CFAP20DC: variants seen among roughly 807,000 people sequenced by gnomAD.
CFAP20DC encodes protein CFAP20DC.
Under a neutral mutation model 101.7 loss-of-function variants are expected in CFAP20DC, and 84 were observed. The observed-to-expected ratio is 0.83, with a 90% CI of 0.69 to 0.99. The LOEUF is 0.99. Ranked by LOEUF, CFAP20DC falls within the 50% of genes least tolerant of loss-of-function variation. CFAP20DC has a pLI of 0.00. For synonymous variants in CFAP20DC, 359 were observed against 351.2 expected, an observed-to-expected ratio of 1.02 and a Z score of -0.25; for missense variants, 1,007 against 970.3, an observed-to-expected ratio of 1.04 and a Z score of -0.50.
At chr3:58,876,126 A>G (rs914171622) in intron 7 of CFAP20DC, among the ~76,000 whole-genome samples, 2 of 152,280 alleles carry the variant, frequency 1.3e-5, no homozygotes, top group South Asian at 4.1e-4. Context: ...AGCAAAGTAT[A>G]CCAATATTCC....
At position 58,955,168 on chromosome 3, in the gene CFAP20DC, C is replaced by T. The variant is rs555533610; in HGVS notation, c.279-17406G>A. On this transcript the variant is annotated intron_variant, in intron 4 of 16. Coordinates refer to ENST00000482387, the MANE Select transcript of CFAP20DC (RefSeq NM_001394063.1). ...ATCCCTTAGACCAAGAAGGGCAGAA[C>T]AAAAGGCTCCACTGATCATCCCCTC... Among the ~76,000 whole-genome samples the T allele has an allele frequency of 2.6e-5, 4 of 152,188 alleles. No individual in the cohort carries two copies. The South Asian group carries it at 8.3e-4, about 32-fold the overall frequency.
rs182906470 is a variant in CFAP20DC at position 58,794,380 on chromosome 3, T to C, written c.2237+12015A>G. On this transcript the variant is annotated intron_variant, in intron 15 of 16. Transcript: ENST00000482387. The stretch of plus-strand genomic sequence containing the variant: ...AGAGTCAACAGAACAATAATGATAG[T>C]GTTAATTCAGTCAAATACACTAAAA... 1,453 of 453,826 alleles carry C rather than the reference T, an allele frequency of 3.2e-3. 6 individuals carry two copies. Among genetic ancestry groups the C allele is most frequent in the Non-Finnish European group, 5.1e-3 (1,149 of 224,978 alleles). 28.1% of individuals were successfully genotyped at this position (453,826 alleles called of 1,614,324 possible). A position where few individuals can be genotyped will look rare whatever the true frequency, so the allele number is the denominator to read the frequency against.
intron 15 of CFAP20DC, among the ~76,000 whole-genome samples, chr3:58,805,067 C>A (rs1274788154): frequency 6.6e-6 from 1 of 152,176 alleles, no homozygotes; most frequent in East Asian, 1.9e-4. Flanking sequence ...AAGCCATGTT[C>A]ATTTTTCATG....
chr3:58,872,373 T>A (rs1246956356), intron 7 of CFAP20DC, among the ~76,000 whole-genome samples: 2 of 142,830 alleles, frequency 1.4e-5, no homozygotes, highest in Admixed American at 1.3e-4. Flanking sequence ...CTCCTATGCA[T>A]CAGTCTTAAA....
rs534346753 is a variant in CFAP20DC, at chr3:59,024,013, G to A, written c.278+15544C>T. The stretch of plus-strand genomic sequence containing the variant: ...GAAGTAACAGAGGGGATTCAGAAGT[G>A]TCTAAAAAGCAATGGATTGGATGAT... On this transcript the variant is annotated intron_variant, in intron 4 of 16. Transcript: ENST00000482387. Among the ~76,000 whole-genome samples the A allele has an allele frequency of 9.9e-5, 15 of 152,224 alleles. No homozygotes were observed. In the South Asian group the frequency reaches 3.1e-3, roughly 32 times the overall value.
At chr3:58,927,238 T>C (rs2086086057) in intron 5 of CFAP20DC, among the ~76,000 whole-genome samples, 1 of 152,172 alleles carries the variant, frequency 6.6e-6, no homozygotes. Context: ...GTGGCCCATA[T>C]ATAAATATTC....
intron 3 of CFAP20DC, chr3:58,726,271 A>G (rs1359423712): frequency 1.3e-5 from 2 of 152,208 alleles, no homozygotes; most frequent in African/African-American, 2.4e-5. Flanking sequence ...TTTTGCTCCA[A>G]TGGTGTATCA....
intron 16 of CFAP20DC, among the ~76,000 whole-genome samples, chr3:58,749,568 T>C (rs1440004093): frequency 6.6e-6 from 1 of 152,214 alleles, no homozygotes; most frequent in East Asian, 1.9e-4. Context: ...CATATGGGAA[T>C]ATTTGGTGTG....
At chr3:58,753,075 C>T (rs575647931) in intron 16 of CFAP20DC, among the ~76,000 whole-genome samples, 8 of 152,270 alleles carry the variant, frequency 5.3e-5, no homozygotes, top group East Asian at 1.9e-4. Flanking sequence ...TCCTCTACCA[C>T]GCACACCTGA....
intron 15 of CFAP20DC, among the ~76,000 whole-genome samples, chr3:58,782,478 G>A (rs2071922750): frequency 6.6e-6 from 1 of 151,982 alleles, no homozygotes; most frequent in South Asian, 2.1e-4. Context: ...AATTGGAAAA[G>A]TATAAGTCAA....
intron 4 of CFAP20DC, chr3:59,018,229 A>G (rs953265050): frequency 6.6e-6 from 1 of 152,142 alleles, no homozygotes; most frequent in African/African-American, 2.4e-5. Context: ...TGGTTCTTCC[A>G]TGTGTTACTA....
At chr3:58,983,505 A>C (rs2092652875) in intron 4 of CFAP20DC, among the ~76,000 whole-genome samples, 1 of 152,178 alleles carries the variant, frequency 6.6e-6, no homozygotes, top group Non-Finnish European at 1.5e-5. Flanking sequence ...TTTCTATTTG[A>C]AAGATTTACA....
chr3:58,954,951 T>C (rs1439988780), intron 4 of CFAP20DC, among the ~76,000 whole-genome samples: 1 of 151,298 alleles, frequency 6.6e-6, no homozygotes, highest in African/African-American at 2.4e-5. Flanking sequence ...TTCATTAAGG[T>C]AGCAAAAAAC....
chr3:58,735,392 T>G (rs996794890), intron 3 of CFAP20DC, among the ~76,000 whole-genome samples: 1 of 152,210 alleles, frequency 6.6e-6, no homozygotes, highest in Non-Finnish European at 1.5e-5. Context: ...TTAAGGCAAG[T>G]TGTCAGAACA....
At chr3:58,822,174 T>C (rs552135457) in intron 14 of CFAP20DC, among the ~76,000 whole-genome samples, 74 of 139,836 alleles carry the variant, frequency 5.3e-4, no homozygotes, top group African/African-American at 1.7e-3. Flanking sequence ...AAGGATAGCA[T>C]TGGGAGATAT....
intron 4 of CFAP20DC, among the ~76,000 whole-genome samples, chr3:58,951,694 G>T (rs1306243521): frequency 2.0e-5 from 3 of 152,016 alleles, no homozygotes; most frequent in Non-Finnish European, 4.4e-5. Context: ...ACTCATAGGT[G>T]GGAATTGAAC....
chr3:58,941,770 G>A (rs1424929947), intron 4 of CFAP20DC, among the ~76,000 whole-genome samples: 1 of 151,810 alleles, frequency 6.6e-6, no homozygotes, highest in South Asian at 2.1e-4. Flanking sequence ...GGGTTTCACC[G>A]TGGTCTCGAT....
intron 15 of CFAP20DC, among the ~76,000 whole-genome samples, chr3:58,774,474 T>C (rs1312377214): frequency 6.6e-6 from 1 of 152,190 alleles, no homozygotes; most frequent in Non-Finnish European, 1.5e-5. Flanking sequence ...ATTTAAGTTG[T>C]AGAAATGGTT....
At chr3:59,021,864 G>A (rs1193566783) in intron 4 of CFAP20DC, among the ~76,000 whole-genome samples, 1 of 152,046 alleles carries the variant, frequency 6.6e-6, no homozygotes, top group Admixed American at 6.6e-5. Flanking sequence ...ACGAGGGCTG[G>A]ACCAACTTTT....
Sources: allele counts gnomAD v4.1 joint callset (sites outside exome capture counted in the v4.1 genomes callset), GRCh38; gene constraint gnomAD v4.1.1; transcripts MANE v1.5; gene names NCBI Gene and HGNC (gene_info 2026-07-23, HGNC 2026-07-21).